Variants in RASSF3 observed in about 807,000 individuals in gnomAD.
RASSF3 encodes the protein Ras association domain family member 3.
Under a neutral mutation model 19.9 loss-of-function variants are expected in RASSF3, and 19 were observed. That is an observed-to-expected ratio of 0.96 (90% CI 0.67 to 1.40). The LOEUF is 1.40. Among genes scored for constraint, RASSF3 ranks in the 40% most tolerant of loss-of-function variants. RASSF3 has a pLI of 0.00. For synonymous variants in RASSF3, 110 were observed against 104.2 expected, an observed-to-expected ratio of 1.06 and a Z score of -0.34; for missense variants, 306 against 289.8, an observed-to-expected ratio of 1.06 and a Z score of -0.41.
At chr12:64,672,060 A>T (rs1272237276) in intron 1 of RASSF3, among the ~76,000 whole-genome samples, 3 of 152,090 alleles carry the variant, frequency 2.0e-5, no homozygotes, top group African/African-American at 2.4e-5. Flanking sequence ...TTTATTTAAA[A>T]TTTTTTAACT....
chr12:64,611,336 T>C (rs923003283), intron 1 of RASSF3: 10 of 152,306 alleles, frequency 6.6e-5, no homozygotes, highest in African/African-American at 2.4e-4. Context: ...TCTGTAAAGC[T>C]AGGTTTTTTG....
chr12:64,612,945 A>G (rs537103244), intron 1 of RASSF3, among the ~76,000 whole-genome samples: 1 of 152,326 alleles, frequency 6.6e-6, no homozygotes, highest in African/African-American at 2.4e-5. Flanking sequence ...GAAGAGCTTC[A>G]TATGTGTATT....
intron 2 of RASSF3, among the ~76,000 whole-genome samples, chr12:64,547,599 G>A (rs1352513103): frequency 6.6e-6 from 1 of 151,454 alleles, no homozygotes; most frequent in Non-Finnish European, 1.5e-5. Context: ...AGGGAAGGAA[G>A]GACGGAAGGA....
At position 64,641,414 on chromosome 12, in the gene RASSF3, A is replaced by ACACACACACACACACACACACGCGCGCG; in HGVS notation, c.111+30672_111+30673insACACACACACACACACACACGCGCGCGC. Among the ~76,000 whole-genome samples the ACACACACACACACACACACACGCGCGCG allele has an allele frequency of 3.2e-3, 458 of 142,124 alleles. 4 individuals are homozygous for ACACACACACACACACACACACGCGCGCG. Among genetic ancestry groups the ACACACACACACACACACACACGCGCGCG allele is most frequent in the African/African-American group, 0.011 (408 of 35,694 alleles). 93.2% of individuals were successfully genotyped at this position (142,124 alleles called of 152,430 possible). The stretch of plus-strand genomic sequence containing the variant: ...CTGTCTCACAGGCGCACACACACAC[A>ACACACACACACACACACACACGCGCGCG]CGCGCGCGCGCGCGTTGAAAACAAA... On this transcript the variant is annotated intron_variant, in intron 1 of 4. Transcript: ENST00000542104.
Position 64,536,311 on chromosome 12 carries a change from G to A in RASSF3, c.67+2977G>A, listed in dbSNP as rs1868827161. 3.9e-5 allele frequency among the ~76,000 whole-genome samples: 6 copies of A among 152,124 alleles called. No homozygotes were observed. In the South Asian group the frequency reaches 1.2e-3, roughly 31 times the overall value. On this transcript the variant is annotated intron_variant, in intron 1 of 1. Coordinates refer to the RASSF3 transcript ENST00000636333. ...AGGCATGAACCACCGTGCCCAGCCT[G>A]TTTTCACTTTTTTAAAGTAGGTTTT...
intron 2 of RASSF3, among the ~76,000 whole-genome samples, chr12:64,552,847 G>A (rs1024704163): frequency 1.3e-5 from 2 of 150,572 alleles, no homozygotes; most frequent in African/African-American, 4.9e-5. Context: ...ATGGAGTTTC[G>A]CTCTTGTCAC....
intron 2 of RASSF3, 64 bp from the exon 3 acceptor site, chr12:64,688,152 T>C (rs2136221657): frequency 8.8e-7 from 1 of 1,130,254 alleles, no homozygotes; most frequent in South Asian, 1.3e-5. Flanking sequence ...TTTGTTTTGA[T>C]ATGCTTCTTC....
intron 1 of RASSF3, among the ~76,000 whole-genome samples, chr12:64,536,682 G>T (rs903381751): frequency 9.9e-5 from 15 of 152,184 alleles, no homozygotes; most frequent in African/African-American, 3.4e-4. Context: ...ATTCTATTTT[G>T]AATTTAAATA....
At chr12:64,610,239 C>G (rs1276307329), upstream of RASSF3, among the ~76,000 whole-genome samples, 1 of 152,070 alleles carries the variant, frequency 6.6e-6, no homozygotes, top group African/African-American at 2.4e-5. Flanking sequence ...GACCCGAGCA[C>G]AGCCCCAGCA....
intron 1 of RASSF3, among the ~76,000 whole-genome samples, chr12:64,537,933 C>T (rs1868861858): frequency 6.6e-6 from 1 of 152,020 alleles, no homozygotes; most frequent in Admixed American, 6.6e-5. Flanking sequence ...CTTCTTGCTG[C>T]ATCCTCACAT....
chr12:64,554,655 A>C (rs75451158), intron 2 of RASSF3, among the ~76,000 whole-genome samples: 1 of 152,204 alleles, frequency 6.6e-6, no homozygotes, highest in African/African-American at 2.4e-5. Context: ...CTGAGAGTAC[A>C]GACAATTCTT....
intron 2 of RASSF3, chr12:64,575,781 A>G (rs552653922): frequency 3.3e-5 from 5 of 151,950 alleles, no homozygotes; most frequent in South Asian, 2.1e-4. Flanking sequence ...CATCATATTC[A>G]TGATTGGAAG....
chr12:64,680,547 T>G (rs1873084279), intron 1 of RASSF3, among the ~76,000 whole-genome samples: 1 of 152,148 alleles, frequency 6.6e-6, no homozygotes. Context: ...GCTTAAAAAG[T>G]ACAGCATCAG....
At chr12:64,620,948 A>AT (rs1439221214) in intron 1 of RASSF3, among the ~76,000 whole-genome samples, 1 of 151,966 alleles carries the variant, frequency 6.6e-6, no homozygotes, top group Non-Finnish European at 1.5e-5. Flanking sequence ...TTAAATTATT[A>AT]TTTTTTGAGG....
At chr12:64,692,880 A>C (rs528953680) in intron 4 of RASSF3, among the ~76,000 whole-genome samples, 3 of 152,234 alleles carry the variant, frequency 2.0e-5, no homozygotes, top group Admixed American at 1.3e-4. Flanking sequence ...CCTGGCCTTA[A>C]CTTAGTTTTG....
chr12:64,590,630 G>T (rs751263714), intron 2 of RASSF3, among the ~76,000 whole-genome samples: 25 of 152,190 alleles, frequency 1.6e-4, no homozygotes, highest in Non-Finnish European at 2.8e-4. Context: ...TGGAGTAAAA[G>T]CTAAAATATG....
At chr12:64,567,824 G>C (rs1447643346) in intron 2 of RASSF3, among the ~76,000 whole-genome samples, 1 of 152,210 alleles carries the variant, frequency 6.6e-6, no homozygotes, top group Non-Finnish European at 1.5e-5. Context: ...GGGCTGTGGG[G>C]TGTCCACATC....
At chr12:64,654,646 G>GGT (rs1872086082) in intron 1 of RASSF3, 1 of 40,870 alleles carries the variant, frequency 2.4e-5, no homozygotes. Context: ...TTCTTTGCGG[G>GGT]GGGGGGGGGG....
intron 1 of RASSF3, among the ~76,000 whole-genome samples, chr12:64,512,757 T>C (rs932840189): frequency 4.6e-5 from 7 of 152,212 alleles, no homozygotes; most frequent in Non-Finnish European, 1.0e-4. Context: ...GCAGACAGTC[T>C]AGCCCCTTTT....
Sources: allele counts gnomAD v4.1 joint callset (sites outside exome capture counted in the v4.1 genomes callset), GRCh38; gene constraint gnomAD v4.1.1; transcripts MANE v1.5; gene names NCBI Gene and HGNC (gene_info 2026-07-23, HGNC 2026-07-21).